The following MASTL variants were observed in gnomAD, a reference collection of about 807,000 sequenced individuals.
MASTL encodes the protein serine/threonine-protein kinase greatwall.
In MASTL, 54 loss-of-function variants were observed where a neutral mutation model predicts 82.5. That is an observed-to-expected ratio of 0.65 (90% CI 0.53 to 0.82). MASTL has a LOEUF of 0.82. MASTL is among the 40% of genes least tolerant of loss of function. The pLI is 0.00. For synonymous variants in MASTL, 323 were observed against 368.9 expected (o/e 0.88, Z 1.43); for missense variants, 950 against 1,047.8 (o/e 0.91, Z 1.29).
intron 6 of MASTL, among the ~76,000 whole-genome samples, chr10:27,165,786 A>G (rs1375403373): frequency 6.6e-6 from 1 of 151,624 alleles, no homozygotes. Flanking sequence ...TTGTGGTCCC[A>G]GCTACATTGG....
intron 6 of MASTL, among the ~76,000 whole-genome samples, chr10:27,166,890 T>A (rs1200220044): frequency 6.6e-6 from 1 of 151,890 alleles, no homozygotes; most frequent in Non-Finnish European, 1.5e-5. Context: ...TTTAGATATA[T>A]TAATAGTATA....
intron 9 of MASTL, 91 bp downstream of exon 9, chr10:27,173,350 C>G: frequency 7.0e-7 from 1 of 1,424,856 alleles, no homozygotes; most frequent in Non-Finnish European, 9.9e-7. Context: ...TCAGTACTTA[C>G]GTTACCTAAA....
intron 2 of MASTL, 95 bp downstream of exon 2, chr10:27,158,781 A>G (rs1427704363): frequency 7.3e-7 from 1 of 1,373,806 alleles, no homozygotes; most frequent in Non-Finnish European, 1.0e-6. Flanking sequence ...GAGTGCTTGC[A>G]TTTGAATTCT....
intron 4 of MASTL, among the ~76,000 whole-genome samples, chr10:27,164,485 G>A (rs1291271086): frequency 1.3e-5 from 2 of 152,136 alleles, no homozygotes; most frequent in Non-Finnish European, 2.9e-5. Context: ...AAGTGGAATA[G>A]TATAGTATTA....
chr10:27,168,271 C>T (rs1297108947), intron 7 of MASTL, among the ~76,000 whole-genome samples: 8 of 152,108 alleles, frequency 5.3e-5, no homozygotes, highest in Admixed American at 5.2e-4. Context: ...GCAAGATAAA[C>T]AGATTTCCAT....
intron 4 of MASTL, among the ~76,000 whole-genome samples, chr10:27,162,498 ATC>A (rs1283223830): frequency 6.6e-6 from 1 of 152,132 alleles, no homozygotes; most frequent in African/African-American, 2.4e-5. Context: ...ATGAAACCCC[ATC>A]TCTACTAAAA....
chr10:27,155,381 C>CTCGCGGAGGGGCAGTGT lies in MASTL; in HGVS notation c.-45_-29dup. ...TGAACCCAGTTGGCGGGAGTGGCTG[C>CTCGCGGAGGGGCAGTGT]TCGCGGAGGGGCAGTGTCTGCGGGG... is the stretch of plus-strand genomic sequence containing the variant. On this transcript the variant is annotated 5_prime_UTR_variant, in exon 1 of 12. Transcript: ENST00000375940. 1 of 1,543,802 alleles carries CTCGCGGAGGGGCAGTGT rather than the reference C, an allele frequency of 6.5e-7. No individual in the cohort carries two copies.
At chr10:27,167,589 C>T (rs2057781511) in intron 7 of MASTL, among the ~76,000 whole-genome samples, 1 of 152,146 alleles carries the variant, frequency 6.6e-6, no homozygotes, top group African/African-American at 2.4e-5. Flanking sequence ...ATGATACAGA[C>T]ATTGGCTTGT....
chr10:27,169,834 G>C, intron 7 of MASTL, 110 bp from the exon 8 acceptor site: 1 of 1,035,356 alleles, frequency 9.7e-7, no homozygotes, highest in Non-Finnish European at 1.4e-6. Context: ...AGTGGCAACA[G>C]GTAGCATAAT....
chr10:27,167,939 A>G (rs1042127149), intron 7 of MASTL, among the ~76,000 whole-genome samples: 2 of 152,208 alleles, frequency 1.3e-5, no homozygotes, highest in African/African-American at 4.8e-5. Flanking sequence ...CTTAACTTAC[A>G]TATTGTTTTT....
intron 6 of MASTL, 144 bp from the exon 7 acceptor site, chr10:27,166,958 C>G: frequency 1.5e-6 from 1 of 670,352 alleles, no homozygotes; most frequent in Non-Finnish European, 2.6e-6. Flanking sequence ...ATAGTGTTTA[C>G]AAAGAAATAG....
rs2058004276 is a variant in MASTL at position 27,173,157 on chromosome 10, A to T, written c.2164A>T (p.Thr722Ser). 1.9e-6 allele frequency: 3 copies of T among 1,614,016 alleles called. No homozygotes were observed. Among genetic ancestry groups the T allele is most frequent in the African/African-American group, 2.7e-5 (2 of 74,906 alleles). Residue 722 changes from threonine to serine, a missense_variant, in exon 9 of 12, where the codon ACT becomes TCT. Physicochemically the swap from Thr to Ser is moderately conservative, Grantham distance 58. Transcript: ENST00000375940. ...NQIKSGTPYR[T>S]PKSVRRGVAP... ...GATCAAGTCGGGAACTCCATACCGA[A>T]CTCCGAAGAGTGTGAGAAGAGGGGT... is the stretch of plus-strand genomic sequence containing the variant.
chr10:27,155,349 C>T (rs1415543206), upstream of MASTL: 2 of 1,430,136 alleles, frequency 1.4e-6, no homozygotes, highest in South Asian at 2.6e-5. Flanking sequence ...TGGGCGGAGC[C>T]TCACTTTGAA....
rs138431023 is a variant in MASTL, at chr10:27,185,005, A to G, written c.2483-1374A>G. On this transcript the variant is annotated intron_variant, in intron 11 of 11. Coordinates refer to ENST00000375940, the MANE Select transcript of MASTL (RefSeq NM_001172303.3). ...AGAGCTTCCAATGTAGCCATAAGCT[A>G]GAAGTCAATATGTTGTAGAGATGCA... Among the ~76,000 whole-genome samples, 549 of 152,348 alleles carry G rather than the reference A, an allele frequency of 3.6e-3. 4 individuals are homozygous for G. Among genetic ancestry groups the G allele is most frequent in the South Asian group, 0.024 (114 of 4,830 alleles).
chr10:27,184,018 G>T (rs560034112), intron 11 of MASTL, among the ~76,000 whole-genome samples: 1 of 152,128 alleles, frequency 6.6e-6, no homozygotes, highest in South Asian at 2.1e-4. Flanking sequence ...GGCCCAGTTT[G>T]TTTACTCACT....
chr10:27,158,896 G>C (rs903729070), intron 2 of MASTL, among the ~76,000 whole-genome samples: 15 of 152,206 alleles, frequency 9.9e-5, no homozygotes, highest in African/African-American at 3.6e-4. Flanking sequence ...GTATGTGTAT[G>C]TATATGTACA....
chr10:27,167,091 C>G lies in MASTL; in HGVS notation c.812-11C>G, dbSNP rs1296119062. 2.5e-5 allele frequency: 40 copies of G among 1,609,280 alleles called. No individual in the cohort carries two copies. The highest frequency in any genetic ancestry group is 8.3e-5 in the Admixed American group (5 of 59,948). On this transcript the variant is annotated splice_polypyrimidine_tract_variant and intron_variant, in intron 6 of 11. Coordinates refer to ENST00000375940, the MANE Select transcript of MASTL (RefSeq NM_001172303.3). ...TGTAACATGGAATTCAATATTGTCT[C>G]TTCTCTATAGGTCTTGAAACAGTTG...
intron 6 of MASTL, among the ~76,000 whole-genome samples, chr10:27,166,493 A>G (rs925088261): frequency 2.0e-5 from 3 of 152,088 alleles, no homozygotes; most frequent in Admixed American, 2.0e-4. Flanking sequence ...CTAGTTATAC[A>G]TTAATTTGGT....
Position 27,159,561 on chromosome 10 carries a change from A to G in MASTL, c.325-58A>G. ...ATTGTAACTGTAATGCCCAAATACT[A>G]GATTTTTAAAGTAATCATATTGTTT... On this transcript the variant is annotated intron_variant, in intron 2 of 11. Transcript: ENST00000375940. The surrounding 1 kb of genome is among the most constrained non-coding windows in gnomAD (Gnocchi z 4.0). 8.0e-7 allele frequency: 1 copy of G among 1,244,106 alleles called. No homozygotes were observed. Among genetic ancestry groups the G allele is most frequent in the Non-Finnish European group, 1.2e-6 (1 of 855,366 alleles). The allele number at this position is 1,244,106 out of a possible 1,614,324, so 77.1% of individuals were successfully genotyped here. A position where few individuals can be genotyped will look rare whatever the true frequency, so the allele number is the denominator to read the frequency against.
Sources: allele counts gnomAD v4.1 joint callset (sites outside exome capture counted in the v4.1 genomes callset), GRCh38; gene constraint gnomAD v4.1.1; non-coding constraint Gnocchi (gnomAD v3.1); transcripts MANE v1.5; gene names NCBI Gene and HGNC (gene_info 2026-07-23, HGNC 2026-07-21).